ZNF787: variants seen among roughly 807,000 people sequenced by gnomAD.
The protein encoded by ZNF787 is zinc finger protein 787.
ZNF787 carries 7 observed loss-of-function variants against 16.9 expected under a neutral mutation model. The ratio of observed to expected loss-of-function variants is 0.42; its 90% confidence interval spans 0.24 to 0.78. The LOEUF (loss-of-function observed/expected upper bound fraction) is 0.78. ZNF787 is among the 30% of genes least tolerant of loss of function. The pLI, the probability that ZNF787 is intolerant of heterozygous loss-of-function variation, is 0.30. For synonymous variants in ZNF787, 345 were observed against 270.9 expected, an observed-to-expected ratio of 1.27 and a Z score of -2.69; for missense variants, 551 against 589.3, an observed-to-expected ratio of 0.94 and a Z score of 0.67.
chr19:56,094,282 T>C (rs557688674), intron 2 of ZNF787, among the ~76,000 whole-genome samples: 3 of 146,454 alleles, frequency 2.0e-5, no homozygotes, highest in Non-Finnish European at 4.5e-5. Context: ...TCCACCCGCC[T>C]TGGCCTCCCA....
chr19:56,094,122 C>CAAGTG, intron 2 of ZNF787, among the ~76,000 whole-genome samples: 1 of 150,632 alleles, frequency 6.6e-6, no homozygotes, highest in South Asian at 2.1e-4. Context: ...CTCTCAGGTT[C>CAAGTG]AAGTGATTCT....
intron 1 of ZNF787, among the ~76,000 whole-genome samples, chr19:56,108,278 AC>A (rs2029886995): frequency 1.8e-5 from 1 of 56,094 alleles, no homozygotes; most frequent in Non-Finnish European, 3.6e-5. Context: ...GGCTCCCTCC[AC>A]CCCGCCCCTG....
At chr19:56,103,338 G>T in intron 1 of ZNF787, 111 bp from the exon 2 acceptor site, 1 of 902,226 alleles carries the variant, frequency 1.1e-6, no homozygotes, top group Non-Finnish European at 1.6e-6. Context: ...ACAGCGCCCG[G>T]CAGACAAGGC....
In ZNF787 at chr19:56,088,113, G is replaced by T; in HGVS notation, c.1059C>A (p.Ser353Arg). Residue 353 changes from serine to arginine, a missense_variant, in exon 3 of 3, where the codon AGC becomes AGA. By Grantham distance (110) the Ser-to-Arg change is moderately radical (BLOSUM62 -1). Coordinates refer to ENST00000610935, the MANE Select transcript of ZNF787 (RefSeq NM_001002836.4). This position sits in a 1 kb window ranked among gnomAD's most constrained non-coding sequence, Gnocchi z 8.6. ...CCTCCTCCCCGCCCGCGCGGTAGTA[G>T]CTCTGTCCGCAGCTGCTGCAGACCG... ...APSVCSSCGQSYYRAGGEEED... is the reference protein window; with the variant it reads ...APSVCSSCGQRYYRAGGEEED... The T allele has an allele frequency of 6.5e-7, 1 of 1,540,908 alleles. No homozygotes were observed. The highest frequency in any genetic ancestry group is 1.2e-5 in the South Asian group (1 of 85,404).
chr19:56,112,725 C>G (rs951125712), intron 1 of ZNF787, among the ~76,000 whole-genome samples: 2 of 152,004 alleles, frequency 1.3e-5, no homozygotes, highest in Admixed American at 6.6e-5. Flanking sequence ...AGTCATCCTC[C>G]AACCACTGGG....
At chr19:56,116,549 A>G (rs1248474945) in intron 1 of ZNF787, among the ~76,000 whole-genome samples, 1 of 152,088 alleles carries the variant, frequency 6.6e-6, no homozygotes, top group Non-Finnish European at 1.5e-5. Context: ...ACACAGCAAA[A>G]TCCTATCTCT....
At chr19:56,111,389 TG>T (rs2029975257) in intron 1 of ZNF787, among the ~76,000 whole-genome samples, 1 of 152,008 alleles carries the variant, frequency 6.6e-6, no homozygotes, top group African/African-American at 2.4e-5. Context: ...ATTTTGTAAG[TG>T]GGGTCCAAGG....
At chr19:56,093,397 G>A (rs891227229) in intron 2 of ZNF787, among the ~76,000 whole-genome samples, 2 of 152,090 alleles carry the variant, frequency 1.3e-5, no homozygotes, top group African/African-American at 2.4e-5. Flanking sequence ...GTGCACACGC[G>A]ATCTCAGGGT....
intron 2 of ZNF787, among the ~76,000 whole-genome samples, chr19:56,096,797 C>T (rs1985891357): frequency 1.3e-5 from 2 of 152,134 alleles, no homozygotes; most frequent in Admixed American, 1.3e-4. Context: ...CGTGCTCACC[C>T]GAGGGCAGCC....
Position 56,088,821 on chromosome 19 carries a change from C to G in ZNF787, c.351G>C (p.Thr117=), listed in dbSNP as rs774269457. The G allele has an allele frequency of 6.2e-7, 1 of 1,611,252 alleles. No homozygotes were observed. The highest frequency in any genetic ancestry group is 1.1e-5 in the South Asian group (1 of 90,896). The part of the protein sequence containing the change: ...SHLVQHRRIH[T]GEKPYACLEC... ...CCAAGCAGGCGTAGGGCTTCTCGCCCGTGTGGATGCGCCGGTGCTGCACCA... is the reference window on the plus strand; with the variant it reads ...CCAAGCAGGCGTAGGGCTTCTCGCCGGTGTGGATGCGCCGGTGCTGCACCA... Residue 117 remains threonine, a synonymous_variant, in exon 3 of 3, where the codon ACG becomes ACC. Coordinates refer to ENST00000610935, the MANE Select transcript of ZNF787 (RefSeq NM_001002836.4). The surrounding 1 kb of genome is among the most constrained non-coding windows in gnomAD (Gnocchi z 8.6).
intron 1 of ZNF787, among the ~76,000 whole-genome samples, chr19:56,114,748 G>A (rs1355131755): frequency 1.3e-5 from 2 of 152,066 alleles, no homozygotes; most frequent in Non-Finnish European, 2.9e-5. Flanking sequence ...ATCTGCTCCT[G>A]GGCACAATGC....
At position 56,104,904 on chromosome 19, in the gene ZNF787, G is replaced by A. The variant is rs529671730; in HGVS notation, c.-10-1677C>T. ...AGCACTTTGAGAGGCCAAAGCAGGT[G>A]GATCAGTGGAGGTCTGGAGTTCGAG... On this transcript the variant is annotated intron_variant, in intron 1 of 2. Transcript: ENST00000610935. Among the ~76,000 whole-genome samples the A allele has an allele frequency of 7.9e-5, 12 of 152,326 alleles. 1 individual carries two copies. The East Asian group carries it at 2.3e-3, about 29-fold the overall frequency.
chr19:56,095,521 G>A (rs1351675084), intron 2 of ZNF787, among the ~76,000 whole-genome samples: 1 of 152,182 alleles, frequency 6.6e-6, no homozygotes, highest in Non-Finnish European at 1.5e-5. Context: ...ACTTCTCAGA[G>A]GTTCTCACAC....
At chr19:56,096,122 G>A (rs1457331591) in intron 2 of ZNF787, among the ~76,000 whole-genome samples, 7 of 152,000 alleles carry the variant, frequency 4.6e-5, no homozygotes, top group South Asian at 2.1e-4. Context: ...GGCCGGGCAC[G>A]GTGGCTCACA....
At chr19:56,105,046 G>A (rs909507972) in intron 1 of ZNF787, among the ~76,000 whole-genome samples, 3 of 152,100 alleles carry the variant, frequency 2.0e-5, no homozygotes, top group Admixed American at 6.5e-5. Flanking sequence ...GAGAATTGCT[G>A]AAACCCAGGA....
intron 1 of ZNF787, among the ~76,000 whole-genome samples, chr19:56,109,290 C>T (rs929671171): frequency 6.6e-6 from 1 of 152,126 alleles, no homozygotes; most frequent in African/African-American, 2.4e-5. Context: ...GAACAGGCCA[C>T]CCCAGTGCAG....
intron 2 of ZNF787, among the ~76,000 whole-genome samples, chr19:56,095,363 C>G (rs937953991): frequency 1.3e-5 from 2 of 152,198 alleles, no homozygotes; most frequent in Non-Finnish European, 2.9e-5. Flanking sequence ...TTCCGGCCTG[C>G]CTATCTGTAG....
At chr19:56,114,659 G>A (rs1291194576) in intron 1 of ZNF787, among the ~76,000 whole-genome samples, 1 of 152,152 alleles carries the variant, frequency 6.6e-6, no homozygotes, top group African/African-American at 2.4e-5. Context: ...CTGACTTCCT[G>A]GCTGGTCAGC....
chr19:56,103,258 A>C, intron 1 of ZNF787, 31 bp from the exon 2 acceptor site: 1 of 1,517,690 alleles, frequency 6.6e-7, no homozygotes, highest in East Asian at 2.3e-5. Flanking sequence ...AGAAGGACAG[A>C]GTTTATGGGG....
Sources: gnomAD v4.1 joint callset for allele counts (sites outside exome capture counted in the v4.1 genomes callset) on GRCh38, gnomAD v4.1.1 for gene constraint, Gnocchi (gnomAD v3.1) non-coding constraint, MANE v1.5 for transcripts, NCBI Gene and HGNC (gene_info 2026-07-23, HGNC 2026-07-21) for gene names.